Variants in CACNA1C observed in about 807,000 individuals in gnomAD.
CACNA1C encodes the protein voltage-dependent L-type calcium channel subunit alpha-1C.
A neutral mutation model predicts 229.0 loss-of-function variants in CACNA1C; 30 were observed. The observed-to-expected ratio is 0.13, with a 90% CI of 0.10 to 0.18. The LOEUF is 0.18. Ranked by LOEUF, CACNA1C falls within the 10% of genes least tolerant of loss-of-function variation. The pLI, the probability that CACNA1C is intolerant of heterozygous loss-of-function variation, is 1.00. For missense variants in CACNA1C, 1,658 were observed against 2,845.0 expected (o/e 0.58, Z 9.49); for synonymous variants, 1,114 against 1,132.5 (o/e 0.98, Z 0.33).
chr12:2,430,615 G>T (rs949334774), intron 3 of CACNA1C, among the ~76,000 whole-genome samples: 1 of 152,128 alleles, frequency 6.6e-6, no homozygotes, highest in African/African-American at 2.4e-5. Context: ...TGCTGGCACA[G>T]AGTATGTGCT....
chr12:2,320,380 A>G (rs1567038307), intron 3 of CACNA1C, among the ~76,000 whole-genome samples: 1 of 152,266 alleles, frequency 6.6e-6, no homozygotes, highest in African/African-American at 2.4e-5. Context: ...GCAAAAATAA[A>G]AAGTAAGCAG....
At chr12:2,307,936 TCCCCA>T (rs934212662) in intron 3 of CACNA1C, among the ~76,000 whole-genome samples, 1 of 152,160 alleles carries the variant, frequency 6.6e-6, no homozygotes, top group Non-Finnish European at 1.5e-5. Flanking sequence ...TCTGGCTCTT[TCCCCA>T]GAGATTATGA....
intron 1 of CACNA1C, among the ~76,000 whole-genome samples, chr12:2,086,250 T>G (rs1323725646): frequency 6.6e-6 from 1 of 152,232 alleles, no homozygotes; most frequent in African/African-American, 2.4e-5. Context: ...AAAAAATGGA[T>G]GAATGGAGGA....
At chr12:2,238,131 C>T (rs2068220655) in intron 3 of CACNA1C, among the ~76,000 whole-genome samples, 1 of 152,176 alleles carries the variant, frequency 6.6e-6, no homozygotes, top group African/African-American at 2.4e-5. Context: ...GGGAGCAAGG[C>T]TTCTACACAG....
chr12:2,682,859 C>CACACCACACAAACACA (rs2097219614), intron 43 of CACNA1C, among the ~76,000 whole-genome samples, 181 bp downstream of exon 43: 1 of 29,562 alleles, frequency 3.4e-5, no homozygotes, highest in African/African-American at 8.9e-5. Context: ...CAACACACAA[C>CACACCACACAAACACA]ACACACAAAC....
At chr12:2,043,269 T>C (rs2050456865) in intron 1 of CACNA1C, among the ~76,000 whole-genome samples, 1 of 152,234 alleles carries the variant, frequency 6.6e-6, no homozygotes, top group Non-Finnish European at 1.5e-5. Flanking sequence ...TATTCCAGCC[T>C]GTTAGTCAAG....
chr12:2,652,282 G>A (rs2095071058), intron 32 of CACNA1C, among the ~76,000 whole-genome samples: 1 of 152,152 alleles, frequency 6.6e-6, no homozygotes, highest in Admixed American at 6.5e-5. Context: ...GGCTAGAGAG[G>A]CCCTTCGAAT....
At chr12:2,195,149 G>T (rs1428747040) in intron 3 of CACNA1C, among the ~76,000 whole-genome samples, 1 of 152,202 alleles carries the variant, frequency 6.6e-6, no homozygotes, top group Admixed American at 6.5e-5. Flanking sequence ...GCCGTGCCTG[G>T]CACCTTGCTA....
At chr12:2,535,704 T>TAAAGAAAAAAAAAAAAAA (rs2099852479) in intron 9 of CACNA1C, among the ~76,000 whole-genome samples, 1 of 36,536 alleles carries the variant, frequency 2.7e-5, no homozygotes, top group South Asian at 1.6e-3. Context: ...AGACCCTGTC[T>TAAAGAAAAAAAAAAAAAA]AAAAAAAAAA....
At chr12:2,112,297 T>C (rs778981859) in intron 1 of CACNA1C, among the ~76,000 whole-genome samples, 2 of 152,110 alleles carry the variant, frequency 1.3e-5, no homozygotes, top group Non-Finnish European at 2.9e-5. Context: ...TGCTGGATCT[T>C]ATGAGAAAGG....
intron 3 of CACNA1C, among the ~76,000 whole-genome samples, chr12:2,176,363 C>T (rs184336587): frequency 2.6e-4 from 40 of 152,136 alleles, no homozygotes; most frequent in Non-Finnish European, 2.8e-4. Flanking sequence ...ATTTTCAGGG[C>T]CTTGGTTTTC....
intron 3 of CACNA1C, among the ~76,000 whole-genome samples, chr12:2,416,068 G>A (rs2098892103): frequency 6.6e-6 from 1 of 152,148 alleles, no homozygotes; most frequent in Admixed American, 6.5e-5. Context: ...CCTCAAGCTG[G>A]TCCCTTCTTG....
intron 1 of CACNA1C, among the ~76,000 whole-genome samples, chr12:2,113,947 C>T (rs900011095): frequency 8.5e-5 from 13 of 152,218 alleles, no homozygotes; most frequent in South Asian, 6.2e-4. Flanking sequence ...GCACTGGTTC[C>T]AATCAGGTTT....
At chr12:2,125,547 A>G (rs557946258) in intron 3 of CACNA1C, among the ~76,000 whole-genome samples, 2 of 152,300 alleles carry the variant, frequency 1.3e-5, no homozygotes, top group East Asian at 3.9e-4. Flanking sequence ...GAGAAACAGC[A>G]AAGAAGAGAT....
rs1489969411 is a variant in CACNA1C at position 2,667,319 on chromosome 12, T to TCCATGCTCCTTTTCTCCCTCCTCTCCA, written c.4623+539_4623+540insATGCTCCTTTTCTCCCTCCTCTCCACC. Among the ~76,000 whole-genome samples the TCCATGCTCCTTTTCTCCCTCCTCTCCA allele has an allele frequency of 8.5e-5, 13 of 152,116 alleles. No individual in the cohort carries two copies. The East Asian group carries it at 1.9e-3, about 23-fold the overall frequency. On this transcript the variant is annotated intron_variant, in intron 37 of 46. Transcript: ENST00000399655. The stretch of plus-strand genomic sequence containing the variant: ...TCTCCCTCCTCTCCACCGTGGCCAT[T>TCCATGCTCCTTTTCTCCCTCCTCTCCA]CCGTGCTCCTTGTTGGGGCAATAAT...
chr12:2,089,807 G>C (rs1290578912), intron 1 of CACNA1C, among the ~76,000 whole-genome samples: 1 of 151,832 alleles, frequency 6.6e-6, no homozygotes, highest in African/African-American at 2.4e-5. Flanking sequence ...GGCTGAGGTG[G>C]GCGGATCACA....
chr12:2,071,636 G>T (rs1458900278), intron 1 of CACNA1C, among the ~76,000 whole-genome samples: 1 of 151,972 alleles, frequency 6.6e-6, no homozygotes, highest in African/African-American at 2.4e-5. Context: ...TCTTTTAAAT[G>T]TTCTTTCATA....
Position 2,504,451 on chromosome 12 carries a change from G to A in CACNA1C, c.1114-391G>A. On this transcript the variant is annotated intron_variant, in intron 7 of 46. Transcript: ENST00000399655. The surrounding 1 kb of genome is among the most constrained non-coding windows in gnomAD (Gnocchi z 6.8). ...GTCTTTCCAGATGCAGGACGCTATG[G>A]GCTATGAGTTACCCTGGGTGTATTT... The A allele has an allele frequency of 6.2e-7, 1 of 1,601,346 alleles. No individual in the cohort carries two copies. Among genetic ancestry groups the A allele is most frequent in the Non-Finnish European group, 8.6e-7 (1 of 1,168,858 alleles).
chr12:2,400,766 G>T (rs896740493), intron 3 of CACNA1C, among the ~76,000 whole-genome samples: 1 of 152,050 alleles, frequency 6.6e-6, no homozygotes, highest in African/African-American at 2.4e-5. Context: ...CTGAGTGCAC[G>T]GCCCTGACAG....
Sources: allele counts gnomAD v4.1 joint callset (sites outside exome capture counted in the v4.1 genomes callset), GRCh38; gene constraint gnomAD v4.1.1; non-coding constraint Gnocchi (gnomAD v3.1); transcripts MANE v1.5; gene names NCBI Gene and HGNC (gene_info 2026-07-23, HGNC 2026-07-21).